Variants in PHACTR3 observed in about 807,000 individuals in gnomAD.
PHACTR3 encodes the protein protein phosphatase 1, regulatory subunit 123.
A neutral mutation model predicts 66.8 loss-of-function variants in PHACTR3; 16 were observed. That is an observed-to-expected ratio of 0.24 (90% confidence interval 0.16 to 0.36). The LOEUF is 0.36. PHACTR3 is among the 10% of genes least tolerant of loss of function. PHACTR3 has a pLI of 1.00. For synonymous variants in PHACTR3, 323 were observed against 292.1 expected (o/e 1.11, Z -1.08); for missense variants, 647 against 719.9 (o/e 0.90, Z 1.16).
chr20:59,688,549 C>A (rs921496101), intron 1 of PHACTR3, among the ~76,000 whole-genome samples: 1 of 152,166 alleles, frequency 6.6e-6, no homozygotes, highest in Non-Finnish European at 1.5e-5. Flanking sequence ...GCTAGGAGTT[C>A]CAGCATCCAA....
intron 1 of PHACTR3, chr20:59,676,688 C>T (rs2036459748): frequency 3.0e-6 from 3 of 985,132 alleles, no homozygotes; most frequent in Non-Finnish European, 3.6e-6. Context: ...GAGAGAAAGA[C>T]TCCAGAAGCC....
At chr20:59,777,733 T>C (rs2040586129) in intron 7 of PHACTR3, among the ~76,000 whole-genome samples, 1 of 152,220 alleles carries the variant, frequency 6.6e-6, no homozygotes, top group Non-Finnish European at 1.5e-5. Context: ...GGGATCATGC[T>C]GGTATCTGTC....
intron 1 of PHACTR3, among the ~76,000 whole-genome samples, chr20:59,740,550 GC>G (rs2039115575): frequency 6.6e-6 from 1 of 152,192 alleles, no homozygotes; most frequent in Non-Finnish European, 1.5e-5. Context: ...TCTAGCCTTG[GC>G]ATCCCAAAGC....
At chr20:59,787,919 C>A (rs1316127432) in intron 7 of PHACTR3, among the ~76,000 whole-genome samples, 1 of 152,186 alleles carries the variant, frequency 6.6e-6, no homozygotes, top group Non-Finnish European at 1.5e-5. Context: ...ACATGCAACA[C>A]CAGCTCCCAT....
At position 59,641,137 on chromosome 20, in the gene PHACTR3, A is replaced by T. The variant is rs145361265; in HGVS notation, c.118+36005A>T. ...CTATTGCCTATCTATTCATCTATTT[A>T]TCTATCTACCAATCCATCCATCCAT... On this transcript the variant is annotated intron_variant, in intron 1 of 12. Coordinates refer to ENST00000371015, the MANE Select transcript of PHACTR3 (RefSeq NM_080672.5). 2.8e-3 allele frequency among the ~76,000 whole-genome samples: 421 copies of T among 152,256 alleles called. 3 individuals carry two copies. Among genetic ancestry groups the T allele is most frequent in the African/African-American group, 9.7e-3 (404 of 41,556 alleles).
chr20:59,599,558 C>T (rs2033416517), upstream of PHACTR3, among the ~76,000 whole-genome samples: 1 of 152,170 alleles, frequency 6.6e-6, no homozygotes, highest in African/African-American at 2.4e-5. Flanking sequence ...GGGGCTCCTC[C>T]TCTTTGCTGC....
intron 1 of PHACTR3, among the ~76,000 whole-genome samples, chr20:59,724,568 G>T (rs140647496): frequency 3.9e-5 from 6 of 152,262 alleles, no homozygotes; most frequent in African/African-American, 1.4e-4. Context: ...GGCCGGCAGG[G>T]ACCTGTAGGA....
intron 4 of PHACTR3, 78 bp downstream of exon 4, chr20:59,755,442 T>C (rs1356290075): frequency 1.4e-6 from 2 of 1,442,790 alleles, no homozygotes; most frequent in Non-Finnish European, 9.4e-7. Flanking sequence ...TGGCTATAGC[T>C]TAGGCAACAG....
chr20:59,730,203 T>C (rs971582381), intron 1 of PHACTR3, among the ~76,000 whole-genome samples: 1 of 152,044 alleles, frequency 6.6e-6, no homozygotes, highest in Non-Finnish European at 1.5e-5. Context: ...CAAGAGCTAA[T>C]TAAAAATTGT....
chr20:59,656,315 TG>T (rs1192387580), intron 1 of PHACTR3, among the ~76,000 whole-genome samples: 2 of 151,926 alleles, frequency 1.3e-5, no homozygotes, highest in Non-Finnish European at 2.9e-5. Context: ...TCATATATTT[TG>T]GGGGTCTTAT....
chr20:59,825,710 G>A (rs934210649), intron 8 of PHACTR3, among the ~76,000 whole-genome samples: 5 of 152,322 alleles, frequency 3.3e-5, no homozygotes, highest in Admixed American at 2.0e-4. Context: ...ACCATGGGGA[G>A]ATCTGGGTAA....
At chr20:59,587,533 T>C (rs935978493) in intron 1 of PHACTR3, among the ~76,000 whole-genome samples, 6 of 152,230 alleles carry the variant, frequency 3.9e-5, no homozygotes, top group Non-Finnish European at 8.8e-5. Context: ...AGCTAAAGCA[T>C]CACCGATTTA....
chr20:59,605,868 G>T (rs1396218122), intron 1 of PHACTR3, among the ~76,000 whole-genome samples: 15 of 132,304 alleles, frequency 1.1e-4, no homozygotes, highest in African/African-American at 3.5e-4. Context: ...TGGGGGGGGG[G>T]GTGGGCTGTG....
intron 5 of PHACTR3, among the ~76,000 whole-genome samples, chr20:59,771,776 G>A (rs533186638): frequency 4.1e-4 from 62 of 152,356 alleles, no homozygotes; most frequent in Non-Finnish European, 7.5e-4. Context: ...TAGAGAAAGC[G>A]AAATAACTAA....
At chr20:59,619,654 C>T (rs1010215169) in intron 1 of PHACTR3, among the ~76,000 whole-genome samples, 1 of 152,126 alleles carries the variant, frequency 6.6e-6, no homozygotes, top group East Asian at 1.9e-4. Context: ...TTCTGACTTA[C>T]GGAACTAGGA....
intron 1 of PHACTR3, among the ~76,000 whole-genome samples, chr20:59,696,791 G>A (rs2037314844): frequency 2.0e-5 from 3 of 152,228 alleles, no homozygotes; most frequent in Middle Eastern, 6.8e-3. Context: ...TGGGTGGCAG[G>A]GCCTCGGCTC....
At chr20:59,774,526 C>A in intron 7 of PHACTR3, 36 bp downstream of exon 7, 1 of 1,599,804 alleles carries the variant, frequency 6.3e-7, no homozygotes, top group South Asian at 1.1e-5. Flanking sequence ...GTGGGGATCT[C>A]GGCCAGAGGT....
chr20:59,726,918 G>A (rs998023895), intron 1 of PHACTR3, among the ~76,000 whole-genome samples: 3 of 152,082 alleles, frequency 2.0e-5, no homozygotes, highest in Non-Finnish European at 4.4e-5. Context: ...ACTGTGTTTT[G>A]TCTTTTCATT....
intron 1 of PHACTR3, among the ~76,000 whole-genome samples, chr20:59,638,528 G>T (rs138180546): frequency 3.0e-3 from 380 of 128,562 alleles, no homozygotes; most frequent in African/African-American, 0.01. Context: ...ATGGATTGAT[G>T]GATGATTGCT....
Sources: allele counts gnomAD v4.1 joint callset (sites outside exome capture counted in the v4.1 genomes callset), GRCh38; gene constraint gnomAD v4.1.1; transcripts MANE v1.5; gene names NCBI Gene and HGNC (gene_info 2026-07-23, HGNC 2026-07-21).